The following TRIM62 variants were observed in gnomAD, a reference collection of about 807,000 sequenced individuals.
The protein encoded by TRIM62 is tripartite motif containing 62.
In TRIM62, 39 loss-of-function variants were observed where a neutral mutation model predicts 44.2. The observed-to-expected ratio is 0.88, with a 90% CI of 0.68 to 1.15. The LOEUF is 1.15. TRIM62 is among the 50% of genes most tolerant of loss of function. The pLI is 0.00. For synonymous variants in TRIM62, 278 were observed against 292.3 expected (o/e 0.95, Z 0.50); for missense variants, 544 against 665.5 (o/e 0.82, Z 2.01).
intron 1 of TRIM62, 55 bp downstream of exon 1, chr1:33,180,970 C>T (rs2147993980): frequency 1.3e-6 from 1 of 780,410 alleles, no homozygotes; most frequent in Non-Finnish European, 1.9e-6. Flanking sequence ...ACCCCCCGCC[C>T]GGCCCCACCT....
At position 33,181,475 on chromosome 1, in the gene TRIM62, G is replaced by A. The variant is rs754088440; in HGVS notation, c.-43C>T. On this transcript the variant is annotated 5_prime_UTR_variant, in exon 1 of 5. Transcript: ENST00000291416. This position sits in a 1 kb window ranked among gnomAD's most constrained non-coding sequence, Gnocchi z 6.5. ...AGAGGGGGGCCCGAGGGGCAGGGGGGCGGCTGAGAGAGCGCGGCGCTGTCG... is the reference window on the plus strand; with the variant it reads ...AGAGGGGGGCCCGAGGGGCAGGGGGACGGCTGAGAGAGCGCGGCGCTGTCG... 2 of 1,535,984 alleles carry A rather than the reference G, an allele frequency of 1.3e-6. No individual in the cohort carries two copies. Among genetic ancestry groups the A allele is most frequent in the South Asian group, 1.2e-5 (1 of 82,558 alleles).
At chr1:33,172,781 C>T (rs1295166607) in intron 1 of TRIM62, among the ~76,000 whole-genome samples, 2 of 152,178 alleles carry the variant, frequency 1.3e-5, no homozygotes. Flanking sequence ...GAGGCCATCC[C>T]TCCCTCTGGT....
Position 33,165,878 on chromosome 1 carries a change from T to G in TRIM62, c.409-312A>C. On this transcript the variant is annotated intron_variant, in intron 1 of 4. Transcript: ENST00000291416. This position sits in a 1 kb window ranked among gnomAD's most constrained non-coding sequence, Gnocchi z 4.0. ...CCACACTTGGCCCTGGATCCCCGCT[T>G]AGAATTAAGGCAGGGGTCTCCAACC... 2.3e-5 allele frequency: 5 copies of G among 216,624 alleles called. No individual in the cohort carries two copies. Among genetic ancestry groups the G allele is most frequent in the Non-Finnish European group, 2.7e-5 (3 of 109,670 alleles). The allele number at this position is 216,624 out of a possible 1,614,324, so 13.4% of individuals were successfully genotyped here.
chr1:33,174,975 A>ACACATG (rs1557762486), intron 1 of TRIM62, among the ~76,000 whole-genome samples: 6 of 136,066 alleles, frequency 4.4e-5, no homozygotes, highest in African/African-American at 1.8e-4. Context: ...ATATACACAC[A>ACACATG]TATACATATA....
chr1:33,147,558 G>A lies in TRIM62; in HGVS notation c.1047C>T (p.Gly349=), dbSNP rs779623643. ...SVLGSEAFSS[G]VHYWEVVVAE... ...CCACCACCACCTCCCAGTAGTGGAC[G>A]CCACTACTGAAGGCTTCAGAACCCA... The change falls in exon 5 of 5, where the codon GGC becomes GGT. Residue 349 remains glycine, a synonymous_variant. Transcript: ENST00000291416. The surrounding 1 kb of genome is among the most constrained non-coding windows in gnomAD (Gnocchi z 8.1). The A allele has an allele frequency of 5.0e-6, 8 of 1,614,086 alleles. No homozygotes were observed. The South Asian group carries it at 5.5e-5, about 11-fold the overall frequency.
chr1:33,173,500 G>C (rs1645390406), intron 1 of TRIM62, among the ~76,000 whole-genome samples: 1 of 151,976 alleles, frequency 6.6e-6, no homozygotes, highest in Admixed American at 6.6e-5. Flanking sequence ...AGCTGGTCAA[G>C]CCTTGCTTTT....
chr1:33,177,053 A>G lies in TRIM62; in HGVS notation c.408+3972T>C, dbSNP rs201680422. Among the ~76,000 whole-genome samples, 9 of 86,788 alleles carry G rather than the reference A, an allele frequency of 1.0e-4. No individual in the cohort carries two copies. The highest frequency in any genetic ancestry group is 1.1e-4 in the Non-Finnish European group (4 of 36,696). 56.9% of individuals were successfully genotyped at this position (86,788 alleles called of 152,430 possible). ...CACATACACATGCACACACACACGC[A>G]CACACACACACATGCACACACACAC... is the stretch of plus-strand genomic sequence containing the variant. On this transcript the variant is annotated intron_variant, in intron 1 of 4. Coordinates refer to ENST00000291416, the MANE Select transcript of TRIM62 (RefSeq NM_018207.3). This position sits in a 1 kb window ranked among gnomAD's most constrained non-coding sequence, Gnocchi z 4.1.
At position 33,147,132 on chromosome 1, in the gene TRIM62, C is replaced by G. The variant is rs760177515; in HGVS notation, c.*45G>C. The G allele has an allele frequency of 6.3e-7, 1 of 1,587,888 alleles. No homozygotes were observed. On this transcript the variant is annotated 3_prime_UTR_variant, in exon 5 of 5. Coordinates refer to ENST00000291416, the MANE Select transcript of TRIM62 (RefSeq NM_018207.3). The surrounding 1 kb of genome is among the most constrained non-coding windows in gnomAD (Gnocchi z 8.1). ...TTCTATCTCCTGGGCAGGGCTCTTG[C>G]AGGTGGCAGTGGTCCCAGGAGGTTG...
intron 2 of TRIM62, chr1:33,164,691 G>GA (rs1645310561): frequency 1.3e-5 from 2 of 152,278 alleles, no homozygotes; most frequent in Non-Finnish European, 2.9e-5. Context: ...CTTAAGGGGA[G>GA]ATGATACCAG....
At chr1:33,180,683 G>T (rs1645453132) in intron 1 of TRIM62, among the ~76,000 whole-genome samples, 1 of 152,114 alleles carries the variant, frequency 6.6e-6, no homozygotes, top group South Asian at 2.1e-4. Flanking sequence ...CCACAACCCT[G>T]CCCCAGCCCA....
chr1:33,162,761 A>C (rs1645286564), intron 2 of TRIM62: 1 of 152,680 alleles, frequency 6.5e-6, no homozygotes. Flanking sequence ...TGGAGCCCCA[A>C]GTACATTCCC....
intron 1 of TRIM62, among the ~76,000 whole-genome samples, chr1:33,175,475 G>A (rs1209399657): frequency 1.3e-5 from 2 of 152,164 alleles, no homozygotes; most frequent in South Asian, 2.1e-4. Context: ...GGACTGAGTC[G>A]GGAGAGCTGA....
chr1:33,166,391 A>G (rs1232043399), intron 1 of TRIM62: 1 of 151,140 alleles, frequency 6.6e-6, no homozygotes, highest in Admixed American at 6.6e-5. Flanking sequence ...CCCTGGTGCT[A>G]AAAAGGTTGG....
Position 33,152,869 on chromosome 1 carries a change from G to C in TRIM62, c.878-5142C>G, listed in dbSNP as rs540141465. Among the ~76,000 whole-genome samples the C allele has an allele frequency of 7.2e-5, 11 of 152,292 alleles. No homozygotes were observed. In the East Asian group the frequency reaches 1.5e-3, roughly 21 times the overall value. ...GGGGGCGGGGAGAGCAGCCCAGGATGGGGAGAAGGCAGGAGCAAGGCAGGC... is the reference window on the plus strand; with the variant it reads ...GGGGGCGGGGAGAGCAGCCCAGGATCGGGAGAAGGCAGGAGCAAGGCAGGC... On this transcript the variant is annotated intron_variant, in intron 4 of 4. Transcript: ENST00000291416.
intron 1 of TRIM62, among the ~76,000 whole-genome samples, chr1:33,171,976 T>TGG (rs1314376906): frequency 6.6e-6 from 1 of 152,094 alleles, no homozygotes; most frequent in East Asian, 1.9e-4. Flanking sequence ...GAGATGGGGT[T>TGG]TCACCATGTT....
At chr1:33,176,704 AGG>A (rs1645422325) in intron 1 of TRIM62, among the ~76,000 whole-genome samples, 1 of 152,212 alleles carries the variant, frequency 6.6e-6, no homozygotes, top group Non-Finnish European at 1.5e-5. Context: ...GAGGTAGCTC[AGG>A]GACGGTATGT....
At chr1:33,178,924 A>T (rs951400362) in intron 1 of TRIM62, among the ~76,000 whole-genome samples, 2 of 152,226 alleles carry the variant, frequency 1.3e-5, no homozygotes, top group African/African-American at 4.8e-5. Context: ...TGGTTTGCAG[A>T]CAGGAGAACC....
Position 33,147,170 on chromosome 1 carries a change from G to T in TRIM62, c.*7C>A. The T allele has an allele frequency of 6.2e-7, 1 of 1,612,138 alleles. No homozygotes were observed. The highest frequency in any genetic ancestry group is 1.1e-5 in the South Asian group (1 of 90,958). On this transcript the variant is annotated 3_prime_UTR_variant, in exon 5 of 5. Coordinates refer to ENST00000291416, the MANE Select transcript of TRIM62 (RefSeq NM_018207.3). The surrounding 1 kb of genome is among the most constrained non-coding windows in gnomAD (Gnocchi z 8.1). The stretch of plus-strand genomic sequence containing the variant: ...TCCCAGGAGGTTGTGGTCTCCTTCT[G>T]CCTGGACTAGATGCGGACGGTGTTG...
Position 33,160,059 on chromosome 1 carries a change from C to G in TRIM62, c.505-115G>C, listed in dbSNP as rs111291175. 1.9e-4 allele frequency: 262 copies of G among 1,352,532 alleles called. 1 individual carries two copies. In the African/African-American group the frequency reaches 2.8e-3, roughly 15 times the overall value. 83.8% of individuals were successfully genotyped at this position (1,352,532 alleles called of 1,614,324 possible). ...AGAGAGGAAAGGGTGGGAAAGGGCA[C>G]GCGTGGTGGGGGAAATGTCACATGC... On this transcript the variant is annotated intron_variant, in intron 2 of 4. Transcript: ENST00000291416.
Sources: gnomAD v4.1 joint callset for allele counts (sites outside exome capture counted in the v4.1 genomes callset) on GRCh38, gnomAD v4.1.1 for gene constraint, Gnocchi (gnomAD v3.1) non-coding constraint, MANE v1.5 for transcripts, NCBI Gene and HGNC (gene_info 2026-07-23, HGNC 2026-07-21) for gene names.